The following GYS1 variants were observed in gnomAD, a reference collection of about 807,000 sequenced individuals.
GYS1 encodes the protein glycogen [starch] synthase, muscle.
GYS1 carries 60 observed loss-of-function variants against 89.1 expected under a neutral mutation model. The observed-to-expected ratio is 0.67, with a 90% CI of 0.55 to 0.84. GYS1 has a LOEUF of 0.84. Among genes scored for constraint, GYS1 ranks in the 40% least tolerant of loss-of-function variants. GYS1 has a pLI of 0.00. For synonymous variants in GYS1, 366 were observed against 401.7 expected, an observed-to-expected ratio of 0.91 and a Z score of 1.06; for missense variants, 888 against 1,003.1, an observed-to-expected ratio of 0.89 and a Z score of 1.55.
intron 10 of GYS1, 24 bp from the exon 11 acceptor site, chr19:48,974,757 A>G: frequency 6.6e-7 from 1 of 1,517,462 alleles, no homozygotes; most frequent in Non-Finnish European, 9.2e-7. Context: ...AAGAAGGGTA[A>G]GGGGTCATGG....
chr19:48,975,813 G>A (rs540148478), intron 10 of GYS1, among the ~76,000 whole-genome samples: 2 of 151,716 alleles, frequency 1.3e-5, no homozygotes, highest in South Asian at 2.1e-4. Context: ...TCAGGAGGCT[G>A]GGGCAGGAGA....
intron 8 of GYS1, among the ~76,000 whole-genome samples, chr19:48,979,707 C>T (rs62125991): frequency 2.8e-5 from 4 of 140,752 alleles, no homozygotes; most frequent in East Asian, 4.1e-4. Context: ...AGTGCATTGG[C>T]GCGATCTTGG....
At position 48,985,470 on chromosome 19, in the gene GYS1, T is replaced by G. The variant is rs768140826; in HGVS notation, c.814A>C (p.Arg272=). 1 of 1,613,810 alleles carries G rather than the reference T, an allele frequency of 6.2e-7. No homozygotes were observed. Among genetic ancestry groups the G allele is most frequent in the Admixed American group, 1.7e-5 (1 of 60,024 alleles). Residue 272 remains arginine (R), a synonymous_variant, in exon 5 of 16, where the codon AGG becomes CGG. Coordinates refer to ENST00000323798, the MANE Select transcript of GYS1 (RefSeq NM_002103.5). The part of the protein sequence containing the change: ...TAIEAQHLLK[R]KPDIVTPNGL... ...TCAGCCCAGCCCCTACCTGGTTTCC[T>G]CTTGAGCAAGTGCTGTGCCTCGATG... is the stretch of plus-strand genomic sequence containing the variant.
chr19:48,989,256 C>T (rs189415453), intron 2 of GYS1, among the ~76,000 whole-genome samples: 5 of 151,508 alleles, frequency 3.3e-5, no homozygotes, highest in African/African-American at 4.8e-5. Flanking sequence ...CCGAGGCGGG[C>T]GGATTGCCTG....
intron 8 of GYS1, among the ~76,000 whole-genome samples, chr19:48,979,331 CTTTT>C (rs2038711095): frequency 4.3e-5 from 2 of 46,376 alleles, no homozygotes; most frequent in African/African-American, 1.4e-4. Flanking sequence ...TTTCTTTTTT[CTTTT>C]CTTTTTTTTT....
At position 48,974,302 on chromosome 19, in the gene GYS1, G is replaced by T. The variant is rs1479401196; in HGVS notation, c.1460C>A (p.Pro487His). ...CTCCTCATAGTCCACAGGGAGCAGG[G>T]GGCTTGTGGAGGAGAGGAACTCCGG... ...FHPEFLSSTS[P>H]LLPVDYEEFV... Residue 487 changes from proline to histidine, a missense_variant, in exon 12 of 16, where the codon CCC becomes CAC. Physicochemically the swap from Pro to His is moderately conservative, Grantham distance 77. Coordinates refer to ENST00000323798, the MANE Select transcript of GYS1 (RefSeq NM_002103.5). 6.2e-7 allele frequency: 1 copy of T among 1,613,596 alleles called. No individual in the cohort carries two copies. The highest frequency in any genetic ancestry group is 1.3e-5 in the African/African-American group (1 of 74,914).
chr19:48,985,922 G>T lies in GYS1; in HGVS notation c.606C>A (p.Phe202Leu). The T allele has an allele frequency of 1.2e-6, 2 of 1,614,192 alleles. No homozygotes were observed. Among genetic ancestry groups the T allele is most frequent in the Non-Finnish European group, 1.7e-6 (2 of 1,180,040 alleles). The change falls in exon 4 of 16, where the codon TTC (phenylalanine) becomes TTA (leucine). Residue 202 changes from phenylalanine to leucine, a missense_variant. Coordinates refer to ENST00000323798, the MANE Select transcript of GYS1 (RefSeq NM_002103.5). ...RARRLPVATI[F>L]TTHATLLGRY... Reference sequence around the variant, plus strand: ...GCCCCAGCAGCGTGGCATGGGTGGTGAAGATGGTTGCTACAGGCAGTCGCC... The same window carrying T: ...GCCCCAGCAGCGTGGCATGGGTGGTTAAGATGGTTGCTACAGGCAGTCGCC...
At chr19:48,981,993 C>T (rs374478503) in intron 7 of GYS1, among the ~76,000 whole-genome samples, 3 of 152,060 alleles carry the variant, frequency 2.0e-5, no homozygotes, top group African/African-American at 4.8e-5. Context: ...CCCGGGCTCG[C>T]GTGATCCTCC....
intron 12 of GYS1, among the ~76,000 whole-genome samples, chr19:48,973,036 C>T (rs973762631): frequency 6.6e-6 from 1 of 152,114 alleles, no homozygotes; most frequent in Non-Finnish European, 1.5e-5. Flanking sequence ...GTGTTCCCCC[C>T]CAAATTTCAT....
Position 48,978,294 on chromosome 19 carries a change from C to T in GYS1, c.1170-137G>A, listed in dbSNP as rs113140719. ...AGGCTGGAATGCAATGGCGTGATCT[C>T]GGCTCACTGCAACCTCTGCCTCCCA... On this transcript the variant is annotated intron_variant, in intron 8 of 15. Coordinates refer to ENST00000323798, the MANE Select transcript of GYS1 (RefSeq NM_002103.5). The T allele has an allele frequency of 9.1e-4, 683 of 748,980 alleles. 3 individuals are homozygous for T. The highest frequency in any genetic ancestry group is 8.1e-3 in the African/African-American group (476 of 58,658). The allele number at this position is 748,980 out of a possible 1,614,324, so 46.4% of individuals were successfully genotyped here. A position where few individuals can be genotyped will look rare whatever the true frequency, so the allele number is the denominator to read the frequency against.
In GYS1 at chr19:48,969,597, G is replaced by C; in HGVS notation, c.1905C>G (p.Arg635=). The change falls in exon 16 of 16, where the codon CGC becomes CGG. Residue 635 remains arginine (R), a synonymous_variant. Coordinates refer to ENST00000323798, the MANE Select transcript of GYS1 (RefSeq NM_002103.5). ...PNEADAAQGY[R]YPRPASVPPS... The stretch of plus-strand genomic sequence containing the variant: ...GTGGCACCGAGGCTGGCCGTGGGTA[G>C]CGGTACCCCTGGGCCTGCATACGGC... The C allele has an allele frequency of 6.5e-7, 1 of 1,538,786 alleles. No individual in the cohort carries two copies. The highest frequency in any genetic ancestry group is 8.7e-7 in the Non-Finnish European group (1 of 1,147,460).
chr19:48,975,911 C>CAAAAAAAAAA (rs760164673), intron 10 of GYS1, among the ~76,000 whole-genome samples: 24 of 41,110 alleles, frequency 5.8e-4, no homozygotes, highest in East Asian at 1.6e-3. Flanking sequence ...GACTCCGTCT[C>CAAAAAAAAAA]AAAAAAAAAA....
chr19:48,983,765 G>C (rs1041617469), intron 5 of GYS1, among the ~76,000 whole-genome samples: 7 of 152,156 alleles, frequency 4.6e-5, no homozygotes, highest in African/African-American at 1.4e-4. Context: ...AAAGTCCACT[G>C]ATCTTCCATT....
Position 48,968,737 on chromosome 19 carries a change from C to G in GYS1, c.*551G>C. The G allele has an allele frequency of 2.2e-6, 1 of 454,104 alleles. No individual in the cohort carries two copies. The highest frequency in any genetic ancestry group is 4.4e-6 in the Non-Finnish European group (1 of 226,792). The allele number at this position is 454,104 out of a possible 1,614,324, so 28.1% of individuals were successfully genotyped here. A position where few individuals can be genotyped will look rare whatever the true frequency, so the allele number is the denominator to read the frequency against. On this transcript the variant is annotated 3_prime_UTR_variant, in exon 16 of 16. Coordinates refer to ENST00000323798, the MANE Select transcript of GYS1 (RefSeq NM_002103.5). ...ACATGCCAGGGAGGGCTAGAACATC[C>G]CTCCCAGAGCCCCACTTCTGGAGTT...
rs2038492879 is a variant in GYS1, at chr19:48,968,353, C to T, written c.*935G>A. On this transcript the variant is annotated 3_prime_UTR_variant, in exon 16 of 16. Coordinates refer to ENST00000323798, the MANE Select transcript of GYS1 (RefSeq NM_002103.5). ...GAACCCAGTGACCTCAGTTCTGGAT[C>T]ATGGGAAAGGGATCAGTATGCAGTA... 2.2e-6 allele frequency: 1 copy of T among 454,272 alleles called. No individual in the cohort carries two copies. Among genetic ancestry groups the T allele is most frequent in the Non-Finnish European group, 4.4e-6 (1 of 226,784 alleles). 28.1% of individuals were successfully genotyped at this position (454,272 alleles called of 1,614,324 possible).
intron 13 of GYS1, 103 bp from the exon 14 acceptor site, chr19:48,970,812 GCCC>G: frequency 1.4e-6 from 2 of 1,409,274 alleles, no homozygotes; most frequent in East Asian, 2.3e-5. Context: ...CGGCCCGAGA[GCCC>G]CCCCATTTCC....
At position 48,985,998 on chromosome 19, in the gene GYS1, G is replaced by A. The variant is rs1479281002; in HGVS notation, c.530C>T (p.Ala177Val). 1.9e-6 allele frequency: 3 copies of A among 1,614,082 alleles called. No individual in the cohort carries two copies. The highest frequency in any genetic ancestry group is 2.2e-5 in the South Asian group (2 of 91,092). ...GCCTGCCAACCACTCATGGAAGTGAGCAACCACATGTGGCTTCTCCTCACT... is the reference window on the plus strand; with the variant it reads ...GCCTGCCAACCACTCATGGAAGTGAACAACCACATGTGGCTTCTCCTCACT... ...AQSEEKPHVV[A>V]HFHEWLAGVG... Residue 177 changes from alanine to valine, a missense_variant, in exon 4 of 16, where the codon GCT becomes GTT. Coordinates refer to ENST00000323798, the MANE Select transcript of GYS1 (RefSeq NM_002103.5).
intron 11 of GYS1, 30 bp downstream of exon 11, chr19:48,974,590 C>CCCAACCCAGCCCTGA (rs2048514229): frequency 6.7e-7 from 1 of 1,497,310 alleles, no homozygotes; most frequent in Admixed American, 1.7e-5. Context: ...CTCTGCCGTG[C>CCCAACCCAGCCCTGA]CCAACCCAGC....
intron 5 of GYS1, among the ~76,000 whole-genome samples, chr19:48,983,814 A>G (rs2122513340): frequency 6.6e-6 from 1 of 152,286 alleles, no homozygotes; most frequent in East Asian, 1.9e-4. Flanking sequence ...CAATTACAGA[A>G]TTTTATCATA....
Sources: gnomAD v4.1 joint callset for allele counts (sites outside exome capture counted in the v4.1 genomes callset) on GRCh38, gnomAD v4.1.1 for gene constraint, MANE v1.5 for transcripts, NCBI Gene and HGNC (gene_info 2026-07-23, HGNC 2026-07-21) for gene names.